CTTNBP2: variants seen among roughly 807,000 people sequenced by gnomAD.
The protein encoded by CTTNBP2 is cortactin binding protein 2.
CTTNBP2 carries 108 observed loss-of-function variants against 156.9 expected under a neutral mutation model. That is an observed-to-expected ratio of 0.69 (90% CI 0.59 to 0.81). The LOEUF (loss-of-function observed/expected upper bound fraction) is 0.81. Ranked by LOEUF, CTTNBP2 falls within the 30% of genes least tolerant of loss-of-function variation. The pLI, the probability that CTTNBP2 is intolerant of heterozygous loss-of-function variation, is 0.00. For missense variants in CTTNBP2, 1,924 were observed against 2,035.4 expected, an observed-to-expected ratio of 0.95 and a Z score of 1.05; for synonymous variants, 767 against 751.8, an observed-to-expected ratio of 1.02 and a Z score of -0.33.
chr7:117,778,321 G>C (rs1158186578), intron 7 of CTTNBP2, among the ~76,000 whole-genome samples: 1 of 152,038 alleles, frequency 6.6e-6, no homozygotes, highest in Non-Finnish European at 1.5e-5. Flanking sequence ...AAGGTTTATG[G>C]GCCCCTATTG....
chr7:117,856,976 G>A (rs1280230080), intron 2 of CTTNBP2, among the ~76,000 whole-genome samples: 3 of 152,104 alleles, frequency 2.0e-5, no homozygotes, highest in East Asian at 1.9e-4. Context: ...CTTGAATCAC[G>A]GATTTCTGTA....
intron 12 of CTTNBP2, among the ~76,000 whole-genome samples, chr7:117,748,283 G>T (rs930624506): frequency 1.3e-5 from 2 of 152,140 alleles, no homozygotes; most frequent in Non-Finnish European, 2.9e-5. Context: ...AAAAAATGCT[G>T]CCCAGATATG....
At chr7:117,786,483 T>C (rs757984986) in intron 4 of CTTNBP2, 6 of 407,912 alleles carry the variant, frequency 1.5e-5, no homozygotes, top group Non-Finnish European at 2.9e-5. Flanking sequence ...CAGTACTTAT[T>C]AGAAATGCAT....
At chr7:117,751,471 G>T (rs1796616338) in intron 12 of CTTNBP2, among the ~76,000 whole-genome samples, 1 of 152,192 alleles carries the variant, frequency 6.6e-6, no homozygotes, top group Non-Finnish European at 1.5e-5. Flanking sequence ...TCTGACACCT[G>T]ATTTTAAATA....
At position 117,869,038 on chromosome 7, in the gene CTTNBP2, CTTA is replaced by C. The variant is rs1474771908; in HGVS notation, c.81+4294_81+4296del. Among the ~76,000 whole-genome samples, 15 of 152,216 alleles carry C rather than the reference CTTA, an allele frequency of 9.9e-5. No individual in the cohort carries two copies. The East Asian group carries it at 2.9e-3, about 29-fold the overall frequency. ...CCCAATGGGTGATGTGGCCTTGACTCTTATTATTGGAAGGATGCAGGATGGTAG... is the reference window on the plus strand; with the variant it reads ...CCCAATGGGTGATGTGGCCTTGACTCTTATTGGAAGGATGCAGGATGGTAG... On this transcript the variant is annotated intron_variant, in intron 1 of 22. Coordinates refer to ENST00000160373, the MANE Select transcript of CTTNBP2 (RefSeq NM_033427.3).
intron 4 of CTTNBP2, among the ~76,000 whole-genome samples, chr7:117,788,046 C>T (rs982503149): frequency 6.6e-6 from 1 of 152,174 alleles, no homozygotes; most frequent in Non-Finnish European, 1.5e-5. Flanking sequence ...ATGATTATGG[C>T]TCACTGTAGC....
At chr7:117,777,475 C>T in intron 8 of CTTNBP2, 36 bp downstream of exon 8, 1 of 1,592,486 alleles carries the variant, frequency 6.3e-7, no homozygotes, top group Non-Finnish European at 8.6e-7. Context: ...CATCAAATTA[C>T]AGCTGCATGA....
chr7:117,739,405 CT>C (rs890115345), intron 14 of CTTNBP2, among the ~76,000 whole-genome samples: 16 of 152,162 alleles, frequency 1.1e-4, no homozygotes, highest in Admixed American at 4.6e-4. Flanking sequence ...CTCTGTGCCA[CT>C]TCAAAACGCT....
intron 2 of CTTNBP2, among the ~76,000 whole-genome samples, chr7:117,852,911 T>G (rs1178025968): frequency 6.6e-6 from 1 of 152,060 alleles, no homozygotes; most frequent in Admixed American, 6.6e-5. Context: ...GGGAGAGACA[T>G]GGTGAGGGCT....
At chr7:117,794,877 CTTTTTTTTTTTTTTT>C (rs755340586) in intron 3 of CTTNBP2, among the ~76,000 whole-genome samples, 3 of 88,324 alleles carry the variant, frequency 3.4e-5, no homozygotes, top group African/African-American at 1.6e-4. Context: ...ATATGTATAT[CTTTTTTTTTTTTTTT>C]TTTTTTTTTT....
intron 21 of CTTNBP2, among the ~76,000 whole-genome samples, chr7:117,719,015 G>A (rs1056805901): frequency 6.6e-6 from 1 of 152,028 alleles, no homozygotes; most frequent in Non-Finnish European, 1.5e-5. Context: ...TGACCAACAT[G>A]GCGAAACCCT....
intron 3 of CTTNBP2, among the ~76,000 whole-genome samples, chr7:117,794,743 AAT>A (rs1799217246): frequency 6.6e-6 from 1 of 152,194 alleles, no homozygotes; most frequent in Non-Finnish European, 1.5e-5. Context: ...GATAATCAGG[AAT>A]ATAGATTATT....
intron 8 of CTTNBP2, 147 bp from the exon 9 acceptor site, chr7:117,767,323 G>T (rs2116697556): frequency 1.7e-6 from 1 of 602,104 alleles, no homozygotes; most frequent in East Asian, 2.7e-5. Context: ...CCAATATACA[G>T]ATTAATCTTA....
At chr7:117,845,633 T>C (rs186484451) in intron 2 of CTTNBP2, among the ~76,000 whole-genome samples, 106 of 152,340 alleles carry the variant, frequency 7.0e-4, no homozygotes, top group African/African-American at 2.5e-3. Context: ...GCACTACCAA[T>C]GCTCATTGAG....
At position 117,731,326 on chromosome 7, in the gene CTTNBP2, G is replaced by C. The variant is rs543159744; in HGVS notation, c.3877-3059C>G. Among the ~76,000 whole-genome samples, 300 of 152,278 alleles carry C rather than the reference G, an allele frequency of 2.0e-3. 1 individual carries two copies. The highest frequency in any genetic ancestry group is 7.0e-3 in the African/African-American group (289 of 41,562). On this transcript the variant is annotated intron_variant, in intron 16 of 22. Coordinates refer to ENST00000160373, the MANE Select transcript of CTTNBP2 (RefSeq NM_033427.3). ...TAACTTAAAAGCCTGAGGGAAAGCC[G>C]GGCATTTGGATGTACAACTCTAACA...
intron 2 of CTTNBP2, among the ~76,000 whole-genome samples, chr7:117,839,465 T>C (rs545384946): frequency 7.0e-6 from 1 of 143,280 alleles, no homozygotes; most frequent in African/African-American, 2.5e-5. Context: ...CCTCTAGTCA[T>C]AGCTAAGGGA....
rs770393389 is a variant in CTTNBP2 at position 117,719,532 on chromosome 7, G to A, written c.4616C>T (p.Ser1539Phe). The A allele has an allele frequency of 1.9e-6, 3 of 1,613,782 alleles. No individual in the cohort carries two copies. In the African/African-American group the frequency reaches 4.0e-5, roughly 22 times the overall value. ...GCTGATATCAGACTCAGACTTGCTG[G>A]AGCACATGCTCTGAAGTTCCTTGAC... ...DLVKELQSMC[S>F]SKSESDISKI... The change falls in exon 21 of 23, where the codon TCC (serine) becomes TTC (phenylalanine). Residue 1539 changes from serine to phenylalanine, a missense_variant. By Grantham distance (155) the Ser-to-Phe change is radical. Transcript: ENST00000160373.
intron 1 of CTTNBP2, among the ~76,000 whole-genome samples, chr7:117,864,734 A>G (rs1563077795): frequency 1.4e-5 from 2 of 143,974 alleles, no homozygotes; most frequent in East Asian, 4.0e-4. Flanking sequence ...ACATATATTC[A>G]TATATATTCA....
chr7:117,837,938 G>A (rs569882700), intron 2 of CTTNBP2, among the ~76,000 whole-genome samples: 5 of 152,260 alleles, frequency 3.3e-5, no homozygotes, highest in African/African-American at 1.2e-4. Context: ...TGCATTTGTG[G>A]CCTCACTACC....
Sources: allele counts gnomAD v4.1 joint callset (sites outside exome capture counted in the v4.1 genomes callset), GRCh38; gene constraint gnomAD v4.1.1; transcripts MANE v1.5; gene names NCBI Gene and HGNC (gene_info 2026-07-23, HGNC 2026-07-21).